MEGF9: variants seen among roughly 807,000 people sequenced by gnomAD.
MEGF9 encodes multiple epidermal growth factor-like domains protein 9.
Under a neutral mutation model 46.8 loss-of-function variants are expected in MEGF9, and 6 were observed. The ratio of observed to expected loss-of-function variants is 0.13; its 90% CI spans 0.07 to 0.25. The LOEUF is 0.25. Ranked by LOEUF, MEGF9 falls within the 10% of genes least tolerant of loss-of-function variation. The pLI, the probability that MEGF9 is intolerant of heterozygous loss-of-function variation, is 1.00. For missense variants in MEGF9, 683 were observed against 792.4 expected, an observed-to-expected ratio of 0.86 and a Z score of 1.66; for synonymous variants, 302 against 330.7, an observed-to-expected ratio of 0.91 and a Z score of 0.94.
intron 1 of MEGF9, among the ~76,000 whole-genome samples, chr9:120,689,441 G>A (rs1390891980): frequency 6.6e-6 from 1 of 151,596 alleles, no homozygotes; most frequent in Non-Finnish European, 1.5e-5. Context: ...ATACAAGAGA[G>A]GAAGAATAAT....
Position 120,605,130 on chromosome 9 carries a change from AG to A in MEGF9, c.*59del. On this transcript the variant is annotated 3_prime_UTR_variant, in exon 6 of 6. Transcript: ENST00000373930. This position sits in a 1 kb window ranked among gnomAD's most constrained non-coding sequence, Gnocchi z 4.0. Reference sequence around the variant, plus strand: ...ACTCTAGCCAGGCTTTGTCTGGCCCAGGGGCTGACTCTGTCTTAGCAAGCAC... The same window carrying A: ...ACTCTAGCCAGGCTTTGTCTGGCCCAGGGCTGACTCTGTCTTAGCAAGCAC... 6.6e-7 allele frequency: 1 copy of A among 1,504,804 alleles called. No homozygotes were observed. Among genetic ancestry groups the A allele is most frequent in the Non-Finnish European group, 8.9e-7 (1 of 1,118,434 alleles). The allele number at this position is 1,504,804 out of a possible 1,614,324, so 93.2% of individuals were successfully genotyped here.
intron 1 of MEGF9, among the ~76,000 whole-genome samples, chr9:120,676,379 A>T (rs2132330636): frequency 6.6e-6 from 1 of 152,354 alleles, no homozygotes; most frequent in South Asian, 2.1e-4. Flanking sequence ...TGAGTTTCAT[A>T]CATATCTTGT....
At chr9:120,644,891 C>T (rs75019928) in intron 2 of MEGF9, among the ~76,000 whole-genome samples, 3,596 of 152,210 alleles carry the variant, frequency 0.024, 151 homozygotes, top group African/African-American at 0.083. Flanking sequence ...TTTTAAAACA[C>T]ATTAAGTATA....
At chr9:120,706,868 C>T (rs1053623626) in intron 1 of MEGF9, among the ~76,000 whole-genome samples, 1 of 152,048 alleles carries the variant, frequency 6.6e-6, no homozygotes, top group East Asian at 1.9e-4. Context: ...AAAGAAAATT[C>T]TGGGAGATGA....
intron 2 of MEGF9, among the ~76,000 whole-genome samples, chr9:120,651,382 G>A (rs2043648615): frequency 6.6e-6 from 1 of 152,156 alleles, no homozygotes; most frequent in African/African-American, 2.4e-5. Context: ...ATAGTGGATA[G>A]GAGTATATAC....
intron 1 of MEGF9, among the ~76,000 whole-genome samples, chr9:120,677,339 T>G (rs2043777942): frequency 6.6e-6 from 1 of 152,150 alleles, no homozygotes; most frequent in South Asian, 2.1e-4. Context: ...ATCATCATGT[T>G]GCCCAGGCTG....
chr9:120,612,431 C>T lies in MEGF9; in HGVS notation c.1052G>A (p.Cys351Tyr). ...GCTGCCTGTAGATGTCACTGCTGAA[C>T]AAGGGCAGCGAAGACATTCTTTAGT... ...DATKECLRCPCSAVTSTGSCS... is the reference protein window; with the variant it reads ...DATKECLRCPYSAVTSTGSCS... The change falls in exon 4 of 6, where the codon TGT becomes TAT. Residue 351 changes from cysteine to tyrosine, a missense_variant. Physicochemically the swap from Cys to Tyr is radical, Grantham distance 194 (BLOSUM62 -2). Around this residue, in one of 2 missense-constraint regions of MEGF9, gnomAD observed 313 missense variants for 421.1 expected, o/e 0.74. Coordinates refer to ENST00000373930, the MANE Select transcript of MEGF9 (RefSeq NM_001080497.3). The T allele has an allele frequency of 6.2e-7, 1 of 1,613,478 alleles. No homozygotes were observed. Among genetic ancestry groups the T allele is most frequent in the Non-Finnish European group, 8.5e-7 (1 of 1,179,650 alleles).
intron 1 of MEGF9, among the ~76,000 whole-genome samples, chr9:120,710,216 G>T (rs1327927892): frequency 6.6e-6 from 1 of 151,760 alleles, no homozygotes; most frequent in African/African-American, 2.4e-5. Context: ...ATCACCTGAG[G>T]TCGGGAATCC....
intron 4 of MEGF9, among the ~76,000 whole-genome samples, chr9:120,611,944 C>T (rs1405504304): frequency 3.3e-5 from 5 of 151,858 alleles, no homozygotes; most frequent in East Asian, 1.9e-4. Flanking sequence ...TAAGCTGCTT[C>T]GAAAGTCCTA....
At chr9:120,681,131 ATG>A (rs1181904280) in intron 1 of MEGF9, among the ~76,000 whole-genome samples, 2 of 151,902 alleles carry the variant, frequency 1.3e-5, no homozygotes, top group African/African-American at 4.8e-5. Flanking sequence ...ACAGCTGGGA[ATG>A]TGCTGGGTCG....
At chr9:120,678,584 T>C (rs1003465166) in intron 1 of MEGF9, among the ~76,000 whole-genome samples, 2 of 152,188 alleles carry the variant, frequency 1.3e-5, no homozygotes, top group African/African-American at 4.8e-5. Flanking sequence ...GGAATTCTCA[T>C]GCCTCAGCCT....
intron 1 of MEGF9, among the ~76,000 whole-genome samples, chr9:120,675,246 A>G (rs185497505): frequency 3.9e-5 from 6 of 152,142 alleles, no homozygotes; most frequent in African/African-American, 1.4e-4. Context: ...TTTATATTAC[A>G]TATGAGAATA....
chr9:120,693,555 T>C (rs75188337), intron 1 of MEGF9, among the ~76,000 whole-genome samples: 3,615 of 152,300 alleles, frequency 0.024, 154 homozygotes, highest in African/African-American at 0.083. Flanking sequence ...AGAAAGACCA[T>C]ATGCTAAGAA....
At chr9:120,615,841 C>T (rs2043469915) in intron 3 of MEGF9, among the ~76,000 whole-genome samples, 1 of 152,002 alleles carries the variant, frequency 6.6e-6, no homozygotes. Context: ...CTGTAGTGAG[C>T]TATGATCATG....
In MEGF9 at chr9:120,607,963, T is replaced by C. The variant is rs749216978; in HGVS notation, c.1135A>G (p.Ile379Val). Residue 379 changes from isoleucine (I) to valine (V), a missense_variant, in exon 5 of 6, where the codon ATA becomes GTA. Coordinates refer to ENST00000373930, the MANE Select transcript of MEGF9 (RefSeq NM_001080497.3). ...PECDQCKDGY[I>V]GPNCNKCENG... ...TCACATTTATTGCAGTTCGGGCCTA[T>C]GTAACCATCTTTACACTGGTCACAT... 7.4e-6 allele frequency: 12 copies of C among 1,614,058 alleles called. No individual in the cohort carries two copies. The highest frequency in any genetic ancestry group is 9.3e-6 in the Non-Finnish European group (11 of 1,179,890).
chr9:120,702,184 A>C, intron 1 of MEGF9, among the ~76,000 whole-genome samples: 1 of 152,214 alleles, frequency 6.6e-6, no homozygotes, highest in East Asian at 1.9e-4. Context: ...TAGATATGTC[A>C]TTCCTACTGT....
At chr9:120,664,006 C>A (rs1010542771) in intron 1 of MEGF9, among the ~76,000 whole-genome samples, 1 of 152,108 alleles carries the variant, frequency 6.6e-6, no homozygotes, top group Non-Finnish European at 1.5e-5. Context: ...CAGAGAAAAT[C>A]AAATCCTGCA....
intron 2 of MEGF9, among the ~76,000 whole-genome samples, chr9:120,627,173 G>C (rs1323486417): frequency 3.3e-5 from 5 of 152,144 alleles, no homozygotes; most frequent in Non-Finnish European, 5.9e-5. Flanking sequence ...ACACATGGTA[G>C]AAACAGTTTT....
chr9:120,672,323 C>T (rs7038900), intron 1 of MEGF9, among the ~76,000 whole-genome samples: 3,590 of 152,050 alleles, frequency 0.024, 149 homozygotes, highest in African/African-American at 0.083. Flanking sequence ...GGGGTAGTAG[C>T]TCGACACGTA....
Sources: allele counts gnomAD v4.1 joint callset (sites outside exome capture counted in the v4.1 genomes callset), GRCh38; gene constraint gnomAD v4.1.1; regional missense constraint gnomAD v4.1.1; non-coding constraint Gnocchi (gnomAD v3.1); transcripts MANE v1.5; gene names NCBI Gene and HGNC (gene_info 2026-07-23, HGNC 2026-07-21).